The following RHOBTB1 variants were observed in gnomAD, a reference collection of about 807,000 sequenced individuals.
RHOBTB1 encodes the protein Rho related BTB domain containing 1.
In RHOBTB1, 40 loss-of-function variants were observed where a neutral mutation model predicts 71.6. That is an observed-to-expected ratio of 0.56 (90% CI 0.43 to 0.73). The LOEUF is 0.73. Ranked by LOEUF, RHOBTB1 falls within the 30% of genes least tolerant of loss-of-function variation. The pLI, the probability that RHOBTB1 is intolerant of heterozygous loss-of-function variation, is 0.00. For synonymous variants in RHOBTB1, 319 were observed against 334.9 expected (o/e 0.95, Z 0.52); for missense variants, 797 against 894.0 (o/e 0.89, Z 1.38).
At position 60,953,903 on chromosome 10, in the gene RHOBTB1, G is replaced by A. The variant is rs547018751; in HGVS notation, c.-61-12049C>T. 3.3e-5 allele frequency among the ~76,000 whole-genome samples: 5 copies of A among 152,218 alleles called. No homozygotes were observed. The South Asian group carries it at 8.3e-4, about 25-fold the overall frequency. On this transcript the variant is annotated intron_variant, in intron 2 of 11. Transcript: ENST00000357917. ...CACATTAATGAGGGACTGAGATATT[G>A]GGAGATGGTAAAATGTCCTGTTAAA...
At chr10:60,994,159 G>A (rs1382070988) in intron 1 of RHOBTB1, among the ~76,000 whole-genome samples, 1 of 152,110 alleles carries the variant, frequency 6.6e-6, no homozygotes, top group Non-Finnish European at 1.5e-5. Flanking sequence ...AATATTTGTT[G>A]AGTATCTGTG....
intron 1 of RHOBTB1, among the ~76,000 whole-genome samples, chr10:60,993,089 T>C (rs1417143156): frequency 1.3e-5 from 2 of 151,990 alleles, no homozygotes; most frequent in African/African-American, 4.8e-5. Flanking sequence ...ACAATGGAAA[T>C]GGTGGAATGA....
At chr10:60,920,138 C>G (rs557132872) in intron 2 of RHOBTB1, among the ~76,000 whole-genome samples, 1 of 150,698 alleles carries the variant, frequency 6.6e-6, no homozygotes, top group South Asian at 2.1e-4. Flanking sequence ...CTTAACTCAC[C>G]TGCTGAAATT....
intron 6 of RHOBTB1, among the ~76,000 whole-genome samples, chr10:60,887,715 TA>T (rs2081656716): frequency 6.6e-6 from 1 of 152,222 alleles, no homozygotes; most frequent in Non-Finnish European, 1.5e-5. Flanking sequence ...TCAAGGACTT[TA>T]GTGGCCTCAG....
intron 2 of RHOBTB1, among the ~76,000 whole-genome samples, chr10:60,916,014 GA>G (rs1172751211): frequency 1.3e-5 from 2 of 151,830 alleles, no homozygotes; most frequent in Non-Finnish European, 2.9e-5. Flanking sequence ...TCCACTCTCA[GA>G]AAAAAAACTC....
At chr10:60,903,616 T>G (rs2082515963) in intron 4 of RHOBTB1, among the ~76,000 whole-genome samples, 1 of 152,028 alleles carries the variant, frequency 6.6e-6, no homozygotes, top group Non-Finnish European at 1.5e-5. Context: ...GGTGAAACGT[T>G]TCTTGCTAGA....
chr10:60,952,414 A>G (rs1160949109), intron 2 of RHOBTB1, among the ~76,000 whole-genome samples: 2 of 152,216 alleles, frequency 1.3e-5, no homozygotes, highest in Admixed American at 1.3e-4. Flanking sequence ...AGTACCCACT[A>G]TGTGTTGGGC....
intron 9 of RHOBTB1, 51 bp from the exon 10 acceptor site, chr10:60,872,341 T>C: frequency 7.6e-7 from 1 of 1,316,568 alleles, no homozygotes; most frequent in Non-Finnish European, 1.1e-6. Flanking sequence ...AAAGAGGGGC[T>C]ACAAAGAAAT....
intron 2 of RHOBTB1, among the ~76,000 whole-genome samples, chr10:60,975,612 C>T (rs769313889): frequency 5.3e-5 from 8 of 152,086 alleles, no homozygotes; most frequent in Non-Finnish European, 8.8e-5. Flanking sequence ...GTTTCAGTAA[C>T]ATTCTCCACG....
At chr10:60,929,736 T>C (rs942912139) in intron 2 of RHOBTB1, among the ~76,000 whole-genome samples, 8 of 152,140 alleles carry the variant, frequency 5.3e-5, no homozygotes, top group Non-Finnish European at 1.0e-4. Flanking sequence ...AAGAAAACTT[T>C]TTAAGTATAA....
At chr10:60,978,371 T>G (rs1437123100) in intron 2 of RHOBTB1, among the ~76,000 whole-genome samples, 1 of 152,196 alleles carries the variant, frequency 6.6e-6, no homozygotes, top group Non-Finnish European at 1.5e-5. Flanking sequence ...ATGTCTCCAC[T>G]TGCATAGACA....
At chr10:60,910,821 C>T (rs893261063) in intron 4 of RHOBTB1, 66 bp downstream of exon 4, 3 of 1,191,082 alleles carry the variant, frequency 2.5e-6, no homozygotes, top group African/African-American at 3.0e-5. Context: ...GATTTGTAAA[C>T]CCGCTGCTGG....
At chr10:60,961,958 C>T (rs1158704482) in intron 2 of RHOBTB1, among the ~76,000 whole-genome samples, 5 of 151,944 alleles carry the variant, frequency 3.3e-5, no homozygotes, top group Non-Finnish European at 5.9e-5. Context: ...TAGGCATGCA[C>T]TACCACGCCT....
chr10:60,873,395 A>C (rs1339859507), intron 9 of RHOBTB1, among the ~76,000 whole-genome samples: 1 of 152,200 alleles, frequency 6.6e-6, no homozygotes, highest in Non-Finnish European at 1.5e-5. Context: ...CTGACTGTTA[A>C]ACACTTACCA....
At chr10:60,938,424 G>A (rs550345890) in intron 2 of RHOBTB1, among the ~76,000 whole-genome samples, 34 of 152,306 alleles carry the variant, frequency 2.2e-4, no homozygotes, top group Admixed American at 3.3e-4. Flanking sequence ...GTCAAGTTAC[G>A]TTGTTTCTCT....
chr10:60,871,718 G>A (rs1264762809), intron 10 of RHOBTB1, 67 bp from the exon 11 acceptor site: 1 of 1,455,232 alleles, frequency 6.9e-7, no homozygotes, highest in Non-Finnish European at 9.4e-7. Flanking sequence ...GCTAGGCCTT[G>A]AGCTTAAAGC....
chr10:60,877,858 A>AT, intron 8 of RHOBTB1, 50 bp downstream of exon 8: 1 of 1,549,018 alleles, frequency 6.5e-7, no homozygotes, highest in Non-Finnish European at 8.7e-7. Flanking sequence ...TTTAAATGTG[A>AT]TTTTGACAAA....
chr10:60,942,374 G>A (rs745517342), intron 1 of RHOBTB1, among the ~76,000 whole-genome samples: 1 of 152,186 alleles, frequency 6.6e-6, no homozygotes, highest in Non-Finnish European at 1.5e-5. Flanking sequence ...CAGAGCCTGT[G>A]TTATGCACTT....
chr10:60,999,958 T>G (rs537970918), intron 1 of RHOBTB1, among the ~76,000 whole-genome samples: 232 of 152,338 alleles, frequency 1.5e-3, no homozygotes, highest in African/African-American at 5.4e-3. Context: ...GGATGTGAAC[T>G]GAACTCGTTA....
Sources: gnomAD v4.1 joint callset for allele counts (sites outside exome capture counted in the v4.1 genomes callset) on GRCh38, gnomAD v4.1.1 for gene constraint, MANE v1.5 for transcripts, NCBI Gene and HGNC (gene_info 2026-07-23, HGNC 2026-07-21) for gene names.